Variants in ATP8A2 observed in about 807,000 individuals in gnomAD.
ATP8A2 encodes ATPase phospholipid transporting 8A2, also known as phospholipid-transporting ATPase IB.
A neutral mutation model predicts 165.6 loss-of-function variants in ATP8A2; 100 were observed. The ratio of observed to expected loss-of-function variants is 0.60; its 90% CI spans 0.51 to 0.71. The LOEUF is 0.71. Among genes scored for constraint, ATP8A2 ranks in the 30% least tolerant of loss-of-function variants. The probability of loss-of-function intolerance (pLI) is 0.00; values close to 1 mark genes in which losing one functional copy is unlikely to be tolerated. For synonymous variants in ATP8A2, 543 were observed against 548.8 expected (o/e 0.99, Z 0.15); for missense variants, 1,227 against 1,479.5 (o/e 0.83, Z 2.80).
intron 1 of ATP8A2, among the ~76,000 whole-genome samples, chr13:25,377,565 C>T (rs969812927): frequency 9.2e-5 from 14 of 152,098 alleles, no homozygotes; most frequent in African/African-American, 2.9e-4. Flanking sequence ...TTTGGGAGGC[C>T]GAGACGGGTG....
At chr13:25,947,926 C>T (rs1955255321) in intron 33 of ATP8A2, among the ~76,000 whole-genome samples, 1 of 152,144 alleles carries the variant, frequency 6.6e-6, no homozygotes, top group Non-Finnish European at 1.5e-5. Context: ...GATAAGAGAA[C>T]ATCATGCTTG....
intron 1 of ATP8A2, among the ~76,000 whole-genome samples, chr13:25,457,421 T>C (rs2035393476): frequency 1.3e-5 from 2 of 152,232 alleles, no homozygotes; most frequent in African/African-American, 2.4e-5. Flanking sequence ...ATAAGGATCA[T>C]ATTAATGATT....
intron 10 of ATP8A2, among the ~76,000 whole-genome samples, chr13:25,544,722 C>T (rs1426433226): frequency 6.6e-6 from 1 of 152,040 alleles, no homozygotes; most frequent in Non-Finnish European, 1.5e-5. Flanking sequence ...AACTGAGAGA[C>T]TAAGGCATTT....
chr13:25,853,532 C>T (rs1593452251), intron 30 of ATP8A2, among the ~76,000 whole-genome samples: 1 of 151,688 alleles, frequency 6.6e-6, no homozygotes, highest in East Asian at 1.9e-4. Context: ...GTTTTAGTCC[C>T]TGACTCAACC....
intron 24 of ATP8A2, among the ~76,000 whole-genome samples, chr13:25,623,136 C>G (rs1195582866): frequency 6.6e-6 from 1 of 152,220 alleles, no homozygotes; most frequent in African/African-American, 2.4e-5. Flanking sequence ...GTAATCTCAG[C>G]ACTTTGGGAG....
At chr13:25,727,240 C>G (rs1402965127) in intron 25 of ATP8A2, among the ~76,000 whole-genome samples, 6 of 152,110 alleles carry the variant, frequency 3.9e-5, no homozygotes, top group Non-Finnish European at 8.8e-5. Context: ...CTTTATGTGA[C>G]AAACTTTGGT....
Position 25,493,403 on chromosome 13 carries a change from A to C in ATP8A2, c.221+24282A>C, listed in dbSNP as rs538219212. Among the ~76,000 whole-genome samples the C allele has an allele frequency of 2.0e-5, 3 of 151,950 alleles. No individual in the cohort carries two copies. In the East Asian group the frequency reaches 5.8e-4, roughly 30 times the overall value. On this transcript the variant is annotated intron_variant, in intron 2 of 36. Coordinates refer to ENST00000381655, the MANE Select transcript of ATP8A2 (RefSeq NM_016529.6). ...CCCCACAGAGATCCTTTTTCATTTG[A>C]TGGGGGCGCTTAAACCATTTGTTGG...
At chr13:25,473,804 A>G (rs918706041) in intron 2 of ATP8A2, among the ~76,000 whole-genome samples, 1 of 152,218 alleles carries the variant, frequency 6.6e-6, no homozygotes, top group African/African-American at 2.4e-5. Context: ...ACAAAAGCTC[A>G]CTATTTAGAG....
intron 24 of ATP8A2, among the ~76,000 whole-genome samples, chr13:25,656,852 A>G (rs1009096160): frequency 6.6e-6 from 1 of 151,700 alleles, no homozygotes; most frequent in South Asian, 2.1e-4. Context: ...CAGGAGTTCA[A>G]AACTAGCCTG....
chr13:25,955,360 A>G (rs1182998487), intron 33 of ATP8A2, among the ~76,000 whole-genome samples: 1 of 152,206 alleles, frequency 6.6e-6, no homozygotes, highest in African/African-American at 2.4e-5. Context: ...AAAGATAAAC[A>G]AAATAAATAG....
chr13:25,683,401 T>C (rs866607185), intron 24 of ATP8A2, among the ~76,000 whole-genome samples: 1 of 152,232 alleles, frequency 6.6e-6, no homozygotes, highest in Non-Finnish European at 1.5e-5. Context: ...AGTAGAGTCT[T>C]ATAATTCTAC....
At chr13:25,511,829 G>A (rs1297545898) in intron 2 of ATP8A2, among the ~76,000 whole-genome samples, 1 of 151,404 alleles carries the variant, frequency 6.6e-6, no homozygotes. Flanking sequence ...TGTTCTTAGA[G>A]TTCTAGCAAC....
At chr13:25,968,816 C>T in intron 35 of ATP8A2, 137 bp downstream of exon 35, 4 of 679,490 alleles carry the variant, frequency 5.9e-6, no homozygotes, top group Non-Finnish European at 1.0e-5. Context: ...TTTGGTTATT[C>T]TCAGATTTAA....
At chr13:25,859,870 G>A (rs1952294247) in intron 30 of ATP8A2, among the ~76,000 whole-genome samples, 1 of 152,174 alleles carries the variant, frequency 6.6e-6, no homozygotes, top group African/African-American at 2.4e-5. Flanking sequence ...AATAAAGATA[G>A]ATGAGTATGT....
At chr13:25,657,351 C>A (rs76140769) in intron 24 of ATP8A2, among the ~76,000 whole-genome samples, 4,464 of 152,210 alleles carry the variant, frequency 0.029, 124 homozygotes, top group East Asian at 0.13. Context: ...GTCTCAGATA[C>A]TGACTCTGTG....
chr13:25,830,143 G>C (rs567329615), intron 28 of ATP8A2, among the ~76,000 whole-genome samples: 1 of 151,640 alleles, frequency 6.6e-6, no homozygotes, highest in East Asian at 1.9e-4. Context: ...TTAGTAGCTG[G>C]GACCATGGGC....
chr13:25,817,465 T>G (rs1312328610), intron 27 of ATP8A2, among the ~76,000 whole-genome samples: 4 of 152,042 alleles, frequency 2.6e-5, no homozygotes, highest in African/African-American at 7.2e-5. Flanking sequence ...TAAAGAAAAT[T>G]TTTAAATGTT....
At chr13:25,386,987 A>C (rs2033077128) in intron 1 of ATP8A2, among the ~76,000 whole-genome samples, 2 of 94,660 alleles carry the variant, frequency 2.1e-5, no homozygotes, top group Admixed American at 9.9e-5. Context: ...TCAGAGCGAG[A>C]CTCCATCTCA....
At chr13:25,616,218 C>T (rs1209505098) in intron 24 of ATP8A2, among the ~76,000 whole-genome samples, 1 of 152,214 alleles carries the variant, frequency 6.6e-6, no homozygotes, top group South Asian at 2.1e-4. Flanking sequence ...CTACCAAACC[C>T]ATGCCACCCA....
Sources: allele counts gnomAD v4.1 joint callset (sites outside exome capture counted in the v4.1 genomes callset), GRCh38; gene constraint gnomAD v4.1.1; transcripts MANE v1.5; gene names NCBI Gene and HGNC (gene_info 2026-07-23, HGNC 2026-07-21).